The following CRTC1 variants were observed in gnomAD, a reference collection of about 807,000 sequenced individuals.
The protein encoded by CRTC1 is CREB regulated transcription coactivator 1.
Under a neutral mutation model 66.1 loss-of-function variants are expected in CRTC1, and 18 were observed. The observed-to-expected ratio is 0.27, with a 90% confidence interval of 0.19 to 0.40. The LOEUF is 0.40. Ranked by LOEUF, CRTC1 falls within the 10% of genes least tolerant of loss-of-function variation. The pLI, the probability that CRTC1 is intolerant of heterozygous loss-of-function variation, is 1.00. For synonymous variants in CRTC1, 416 were observed against 398.8 expected, an observed-to-expected ratio of 1.04 and a Z score of -0.51; for missense variants, 669 against 887.9, an observed-to-expected ratio of 0.75 and a Z score of 3.13.
chr19:18,683,717 C>G lies in CRTC1; in HGVS notation c.15C>G (p.Asn5Lys). The change falls in exon 1 of 14, where the codon AAC becomes AAG. Residue 5 changes from asparagine (N) to lysine (K), a missense_variant. Asn to Lys is a moderately conservative substitution (Grantham distance 94, BLOSUM62 0). Coordinates refer to ENST00000321949, the MANE Select transcript of CRTC1 (RefSeq NM_015321.3). MATS[N>K]NPRKFSEKIA... ...GCGGCGAGAAGATGGCGACTTCGAA[C>G]AATCCGCGGAAATTCAGCGAGAAGA... 1 of 1,405,578 alleles carries G rather than the reference C, an allele frequency of 7.1e-7. No homozygotes were observed. Among genetic ancestry groups the G allele is most frequent in the Non-Finnish European group, 9.5e-7 (1 of 1,055,962 alleles). 87.1% of individuals were successfully genotyped at this position (1,405,578 alleles called of 1,614,324 possible). A position where few individuals can be genotyped will look rare whatever the true frequency, so the allele number is the denominator to read the frequency against.
At chr19:18,762,281 G>A (rs530626945) in intron 8 of CRTC1, among the ~76,000 whole-genome samples, 8 of 152,368 alleles carry the variant, frequency 5.3e-5, no homozygotes, top group Admixed American at 3.3e-4. Context: ...CACAACATAC[G>A]TGGAAGCTGG....
chr19:18,747,084 T>C lies in CRTC1; in HGVS notation c.413T>C (p.Leu138Pro), dbSNP rs2054257198. Residue 138 changes from leucine to proline, a missense_variant, in exon 4 of 14, where the codon CTC (leucine) becomes CCC (proline). By Grantham distance (98) the Leu-to-Pro change is moderately conservative. Coordinates refer to ENST00000321949, the MANE Select transcript of CRTC1 (RefSeq NM_015321.3). ...ADSCPYGTMY[L>P]SPPADTSWRR... Reference sequence around the variant, plus strand: ...AGCTGCCCCTATGGCACCATGTACCTCTCACCACCCGCGGACACCAGCTGG... The same window carrying C: ...AGCTGCCCCTATGGCACCATGTACCCCTCACCACCCGCGGACACCAGCTGG... The C allele has an allele frequency of 6.2e-7, 1 of 1,606,510 alleles. No individual in the cohort carries two copies. Among genetic ancestry groups the C allele is most frequent in the South Asian group, 1.1e-5 (1 of 90,734 alleles).
chr19:18,769,675 C>T (rs2054817858), intron 10 of CRTC1, among the ~76,000 whole-genome samples: 1 of 152,124 alleles, frequency 6.6e-6, no homozygotes, highest in South Asian at 2.1e-4. Flanking sequence ...CTGGGGGAGG[C>T]TCCCAAGGTG....
intron 1 of CRTC1, among the ~76,000 whole-genome samples, chr19:18,726,959 A>G (rs2053768691): frequency 1.3e-5 from 2 of 151,152 alleles, no homozygotes; most frequent in Non-Finnish European, 2.9e-5. Context: ...AAAAGAAGGC[A>G]AAACAGGCCA....
At chr19:18,699,041 A>T (rs573705558) in intron 1 of CRTC1, among the ~76,000 whole-genome samples, 17 of 152,006 alleles carry the variant, frequency 1.1e-4, no homozygotes, top group African/African-American at 3.9e-4. Flanking sequence ...GCAGGCACTC[A>T]GCTGACACAC....
intron 1 of CRTC1, among the ~76,000 whole-genome samples, chr19:18,712,185 G>A (rs940524005): frequency 2.0e-5 from 3 of 151,884 alleles, no homozygotes; most frequent in Admixed American, 6.6e-5. Flanking sequence ...GGCTCAAGCC[G>A]TCCTCCTGCC....
At chr19:18,770,734 GA>G (rs1332329615) in intron 10 of CRTC1, among the ~76,000 whole-genome samples, 1 of 151,378 alleles carries the variant, frequency 6.6e-6, no homozygotes. Flanking sequence ...TTTGTGTGTG[GA>G]TATGTGTGCT....
intron 7 of CRTC1, 108 bp from the exon 8 acceptor site, chr19:18,759,900 T>G: frequency 1.1e-6 from 1 of 874,356 alleles, no homozygotes. Context: ...CGGCACCTGA[T>G]GGGGGGTGGC....
At chr19:18,730,762 C>T (rs996304609) in intron 1 of CRTC1, among the ~76,000 whole-genome samples, 5 of 152,204 alleles carry the variant, frequency 3.3e-5, no homozygotes, top group South Asian at 2.1e-4. Context: ...TGACCCTACT[C>T]TTCAGCCAGT....
intron 1 of CRTC1, among the ~76,000 whole-genome samples, chr19:18,730,210 T>G (rs946766186): frequency 1.4e-4 from 22 of 152,224 alleles, no homozygotes; most frequent in Non-Finnish European, 2.8e-4. Flanking sequence ...TCAGCAGCCC[T>G]TACGAGGTAA....
At chr19:18,701,546 C>T (rs1360478575) in intron 1 of CRTC1, among the ~76,000 whole-genome samples, 1 of 152,226 alleles carries the variant, frequency 6.6e-6, no homozygotes, top group African/African-American at 2.4e-5. Flanking sequence ...TATGGGTCAT[C>T]TGTTTAGTTT....
At chr19:18,743,133 GC>G in intron 2 of CRTC1, 107 bp downstream of exon 2, 1 of 891,164 alleles carries the variant, frequency 1.1e-6, no homozygotes, top group Non-Finnish European at 1.8e-6. Context: ...AGTTGGCGGA[GC>G]CCACCCAACC....
chr19:18,705,157 C>T (rs1368564218), intron 1 of CRTC1, among the ~76,000 whole-genome samples: 1 of 152,076 alleles, frequency 6.6e-6, no homozygotes, highest in African/African-American at 2.4e-5. Context: ...GGATGGGACA[C>T]ATTTTGTTTA....
intron 1 of CRTC1, among the ~76,000 whole-genome samples, chr19:18,689,594 A>T (rs993483715): frequency 1.7e-5 from 1 of 60,096 alleles, no homozygotes; most frequent in Non-Finnish European, 2.7e-5. Context: ...TATGTAATAT[A>T]ACACTTACCA....
At position 18,779,693 on chromosome 19, in the gene CRTC1, A is replaced by G; in HGVS notation, c.*2311A>G. 4.4e-6 allele frequency: 1 copy of G among 224,882 alleles called. No individual in the cohort carries two copies. The highest frequency in any genetic ancestry group is 2.2e-5 in the African/African-American group (1 of 44,940). The allele number at this position is 224,882 out of a possible 1,614,324, so 13.9% of individuals were successfully genotyped here. On this transcript the variant is annotated 3_prime_UTR_variant, in exon 14 of 14. Transcript: ENST00000321949. The stretch of plus-strand genomic sequence containing the variant: ...CTTCGGTGTGGACAGATAGGAGAGG[A>G]GGGATGCCCACCTCGGAGCATCCCA...
intron 6 of CRTC1, among the ~76,000 whole-genome samples, chr19:18,757,581 T>C (rs2054517435): frequency 6.6e-6 from 1 of 152,074 alleles, no homozygotes; most frequent in South Asian, 2.1e-4. Context: ...GCTGTGAAAG[T>C]CCATACTTCA....
chr19:18,743,197 C>T (rs1002590929), intron 2 of CRTC1, among the ~76,000 whole-genome samples, 171 bp downstream of exon 2: 1 of 152,254 alleles, frequency 6.6e-6, no homozygotes, highest in Non-Finnish European at 1.5e-5. Context: ...GTGGCCCCAC[C>T]AGGGTGCCCC....
At chr19:18,715,159 G>T (rs1301739458) in intron 1 of CRTC1, among the ~76,000 whole-genome samples, 5 of 152,250 alleles carry the variant, frequency 3.3e-5, no homozygotes, top group Non-Finnish European at 7.3e-5. Flanking sequence ...TCCTTGGCTT[G>T]TAGCCGCATC....
rs1197933099 is a variant in CRTC1 at position 18,760,592 on chromosome 19, CT to C, written c.886+365del. Among the ~76,000 whole-genome samples the C allele has an allele frequency of 6.6e-6, 1 of 151,950 alleles. No individual in the cohort carries two copies. Among genetic ancestry groups the C allele is most frequent in the Non-Finnish European group, 1.5e-5 (1 of 67,924 alleles). ...CCCTCATTGGGGGGCGGGACCAGGC[CT>C]GACCTGCTTCCTCCACCCGACATCT... is the stretch of plus-strand genomic sequence containing the variant. On this transcript the variant is annotated intron_variant, in intron 8 of 13. Coordinates refer to ENST00000321949, the MANE Select transcript of CRTC1 (RefSeq NM_015321.3). The surrounding 1 kb of genome is among the most constrained non-coding windows in gnomAD (Gnocchi z 6.2).
Sources: allele counts gnomAD v4.1 joint callset (sites outside exome capture counted in the v4.1 genomes callset), GRCh38; gene constraint gnomAD v4.1.1; non-coding constraint Gnocchi (gnomAD v3.1); transcripts MANE v1.5; gene names NCBI Gene and HGNC (gene_info 2026-07-23, HGNC 2026-07-21).